Variants in DLC1 observed in about 807,000 individuals in gnomAD.
DLC1 encodes the protein rho GTPase-activating protein 7.
DLC1 carries 54 observed loss-of-function variants against 140.3 expected under a neutral mutation model. That is an observed-to-expected ratio of 0.38 (90% CI 0.31 to 0.48). The LOEUF (loss-of-function observed/expected upper bound fraction) is 0.48. Ranked by LOEUF, DLC1 falls within the 20% of genes least tolerant of loss-of-function variation. The pLI is 0.96. For synonymous variants in DLC1, 986 were observed against 728.1 expected, an observed-to-expected ratio of 1.35 and a Z score of -5.70; for missense variants, 2,536 against 1,907.0, an observed-to-expected ratio of 1.33 and a Z score of -6.14.
chr8:13,430,151 C>A (rs1391809863), intron 2 of DLC1, among the ~76,000 whole-genome samples: 1 of 152,114 alleles, frequency 6.6e-6, no homozygotes. Context: ...AGCCAAGGTT[C>A]CTGCTTAGAT....
intron 5 of DLC1, among the ~76,000 whole-genome samples, chr8:13,259,546 C>A (rs1387970164): frequency 2.0e-5 from 3 of 151,638 alleles, no homozygotes; most frequent in African/African-American, 4.9e-5. Flanking sequence ...TTTTTTTTTA[C>A]AATAAAGATA....
intron 1 of DLC1, among the ~76,000 whole-genome samples, chr8:13,532,651 A>G (rs1328884665): frequency 6.6e-6 from 1 of 152,022 alleles, no homozygotes; most frequent in African/African-American, 2.4e-5. Context: ...CAGTGGTGCA[A>G]TCATTCATTG....
rs188777551 is a variant in DLC1, at chr8:13,100,541, C to T, written c.1796G>A (p.Ser599Asn). The T allele has an allele frequency of 5.6e-6, 9 of 1,612,978 alleles. No individual in the cohort carries two copies. Among genetic ancestry groups the T allele is most frequent in the Non-Finnish European group, 2.5e-6 (3 of 1,179,832 alleles). Residue 599 changes from serine to asparagine, a missense_variant, in exon 9 of 18, where the codon AGC becomes AAC. Transcript: ENST00000276297. ...QEVSSVRSLS[S>N]TGSLPSHAPP... is the part of the protein sequence containing the mutation. ...CGCGTGGCTGGGGAGGCTGCCAGTG[C>T]TGCTGAGGCTGCGGACGGAAGACAC...
chr8:13,556,157 T>C (rs1188094437), intron 1 of DLC1, among the ~76,000 whole-genome samples: 1 of 152,096 alleles, frequency 6.6e-6, no homozygotes, highest in African/African-American at 2.4e-5. Context: ...TATCAGAATG[T>C]ATAAGGAGCT....
At chr8:13,388,919 T>A (rs1270818816) in intron 4 of DLC1, among the ~76,000 whole-genome samples, 1 of 152,040 alleles carries the variant, frequency 6.6e-6, no homozygotes, top group Non-Finnish European at 1.5e-5. Context: ...ATTCAAATAT[T>A]AGTGACATTT....
chr8:13,325,286 G>A (rs1189877758), intron 4 of DLC1, among the ~76,000 whole-genome samples: 2 of 152,216 alleles, frequency 1.3e-5, no homozygotes, highest in East Asian at 3.8e-4. Context: ...TCAGAACAGA[G>A]CCAGTCCCTT....
intron 17 of DLC1, 162 bp downstream of exon 17, chr8:13,086,128 T>G: frequency 7.5e-7 from 1 of 1,328,276 alleles, no homozygotes; most frequent in Non-Finnish European, 1.0e-6. Context: ...AAGTGGTCGC[T>G]GAAAGACCAA....
intron 6 of DLC1, among the ~76,000 whole-genome samples, chr8:13,113,787 T>C (rs1394533870): frequency 6.6e-6 from 1 of 152,172 alleles, no homozygotes; most frequent in African/African-American, 2.4e-5. Context: ...AAAATAAGCA[T>C]GCAAGTTAAT....
At chr8:13,356,156 A>G (rs1834934045) in intron 4 of DLC1, among the ~76,000 whole-genome samples, 1 of 150,082 alleles carries the variant, frequency 6.7e-6, no homozygotes, top group South Asian at 2.1e-4. Context: ...TTGATGATGC[A>G]GGGGAGTTTA....
chr8:13,352,920 C>T (rs918463188), intron 4 of DLC1, among the ~76,000 whole-genome samples: 1 of 151,968 alleles, frequency 6.6e-6, no homozygotes, highest in Non-Finnish European at 1.5e-5. Context: ...TAAACAAAAT[C>T]TGAAATTACA....
intron 2 of DLC1, among the ~76,000 whole-genome samples, chr8:13,476,558 C>A (rs981854960): frequency 6.6e-6 from 1 of 151,154 alleles, no homozygotes; most frequent in African/African-American, 2.4e-5. Context: ...GGGGAGCTAA[C>A]CAGGCAGGAT....
At chr8:13,097,249 T>TTTATTATCA (rs1818578607) in intron 10 of DLC1, among the ~76,000 whole-genome samples, 1 of 147,006 alleles carries the variant, frequency 6.8e-6, no homozygotes, top group African/African-American at 2.5e-5. Flanking sequence ...CACATCCAAA[T>TTTATTATCA]TTATTATTAT....
intron 9 of DLC1, 102 bp downstream of exon 9, chr8:13,099,245 A>G: frequency 6.7e-7 from 1 of 1,499,584 alleles, no homozygotes; most frequent in Non-Finnish European, 8.9e-7. Flanking sequence ...GACATGGCTA[A>G]GAATGCCAGA....
At chr8:13,154,593 C>G (rs936410809) in intron 5 of DLC1, among the ~76,000 whole-genome samples, 2 of 152,212 alleles carry the variant, frequency 1.3e-5, no homozygotes, top group Admixed American at 6.5e-5. Flanking sequence ...CCACACCTCC[C>G]GGCAAGCAGA....
intron 1 of DLC1, among the ~76,000 whole-genome samples, chr8:13,570,428 A>G (rs1397814930): frequency 7.2e-6 from 1 of 139,262 alleles, no homozygotes; most frequent in Admixed American, 7.1e-5. Flanking sequence ...TATATCTCCC[A>G]ATGCTATCCC....
intron 16 of DLC1, among the ~76,000 whole-genome samples, 169 bp from the exon 17 acceptor site, chr8:13,086,632 T>G (rs1420706928): frequency 6.6e-6 from 1 of 152,240 alleles, no homozygotes; most frequent in Non-Finnish European, 1.5e-5. Flanking sequence ...TGCTATGGTG[T>G]ACATGTGTTC....
intron 4 of DLC1, among the ~76,000 whole-genome samples, chr8:13,314,339 A>C (rs1176399255): frequency 2.0e-5 from 3 of 149,064 alleles, no homozygotes; most frequent in Admixed American, 6.7e-5. Flanking sequence ...ATATATGTGT[A>C]ATATACATGT....
intron 1 of DLC1, among the ~76,000 whole-genome samples, chr8:13,588,227 G>T (rs777871994): frequency 6.6e-6 from 1 of 152,152 alleles, no homozygotes; most frequent in South Asian, 2.1e-4. Context: ...TAAAAAAATA[G>T]ACAAACCCTG....
intron 5 of DLC1, among the ~76,000 whole-genome samples, chr8:13,180,015 A>G (rs777047501): frequency 6.6e-6 from 1 of 152,086 alleles, no homozygotes; most frequent in Non-Finnish European, 1.5e-5. Flanking sequence ...TGGCTTTGTG[A>G]TATCAGTGGT....
Sources: gnomAD v4.1 joint callset for allele counts (sites outside exome capture counted in the v4.1 genomes callset) on GRCh38, gnomAD v4.1.1 for gene constraint, MANE v1.5 for transcripts, NCBI Gene and HGNC (gene_info 2026-07-23, HGNC 2026-07-21) for gene names.